Variants in CFAP299 observed in about 807,000 individuals in gnomAD.
CFAP299 encodes cilia- and flagella-associated protein 299.
In CFAP299, 21 loss-of-function variants were observed where a neutral mutation model predicts 27.0. The observed-to-expected ratio is 0.78, with a 90% CI of 0.55 to 1.12. CFAP299 has a LOEUF of 1.12. Ranked by LOEUF, CFAP299 falls within the 50% of genes most tolerant of loss-of-function variation. The pLI, the probability that CFAP299 is intolerant of heterozygous loss-of-function variation, is 0.00. For missense variants in CFAP299, 310 were observed against 276.6 expected (o/e 1.12, Z -0.86); for synonymous variants, 104 against 98.1 (o/e 1.06, Z -0.36).
At chr4:80,894,037 TA>T (rs890125935) in intron 4 of CFAP299, among the ~76,000 whole-genome samples, 4 of 149,814 alleles carry the variant, frequency 2.7e-5, no homozygotes, top group South Asian at 2.1e-4. Flanking sequence ...ATAACCCAAT[TA>T]AAAAAAAATG....
intron 3 of CFAP299, among the ~76,000 whole-genome samples, chr4:80,673,578 C>A (rs1036210538): frequency 2.6e-5 from 4 of 152,024 alleles, no homozygotes; most frequent in African/African-American, 9.7e-5. Flanking sequence ...AACCTTCTGT[C>A]TTGGTCTTGT....
chr4:80,543,516 G>C, intron 2 of CFAP299, among the ~76,000 whole-genome samples: 1 of 152,176 alleles, frequency 6.6e-6, no homozygotes, highest in Non-Finnish European at 1.5e-5. Flanking sequence ...CCAAACTGAA[G>C]TTAGGGAAAT....
intron 1 of CFAP299, among the ~76,000 whole-genome samples, chr4:80,356,345 A>G (rs1189302330): frequency 6.6e-6 from 1 of 152,148 alleles, no homozygotes; most frequent in Non-Finnish European, 1.5e-5. Flanking sequence ...TATGTATTTT[A>G]AAATAGTTTC....
chr4:80,430,473 G>C (rs543102576), intron 2 of CFAP299, among the ~76,000 whole-genome samples: 40 of 152,246 alleles, frequency 2.6e-4, no homozygotes, highest in Admixed American at 5.2e-4. Context: ...TCTTAATGTT[G>C]AGGTGCTCTG....
intron 2 of CFAP299, among the ~76,000 whole-genome samples, chr4:80,454,867 G>T (rs1046224936): frequency 1.3e-5 from 2 of 152,136 alleles, no homozygotes; most frequent in East Asian, 3.9e-4. Flanking sequence ...TGGTGGGTAG[G>T]GGGTTGGGAA....
At chr4:80,360,467 G>A (rs964946405) in intron 1 of CFAP299, among the ~76,000 whole-genome samples, 1 of 152,196 alleles carries the variant, frequency 6.6e-6, no homozygotes, top group South Asian at 2.1e-4. Flanking sequence ...CACGTCAGGA[G>A]CAAGGATTGA....
At chr4:80,822,216 G>T (rs934537471) in intron 3 of CFAP299, among the ~76,000 whole-genome samples, 7 of 152,112 alleles carry the variant, frequency 4.6e-5, no homozygotes, top group Non-Finnish European at 7.4e-5. Flanking sequence ...AAAATACTTT[G>T]TTGAAGGTCT....
intron 3 of CFAP299, among the ~76,000 whole-genome samples, chr4:80,608,882 TGTG>T (rs1737820273): frequency 6.6e-6 from 1 of 151,802 alleles, no homozygotes; most frequent in Admixed American, 6.6e-5. Flanking sequence ...TGTGTGTGTG[TGTG>T]TGTGTATGTG....
intron 3 of CFAP299, among the ~76,000 whole-genome samples, chr4:80,747,390 G>T (rs371094823): frequency 3.3e-5 from 5 of 152,098 alleles, no homozygotes; most frequent in Non-Finnish European, 7.4e-5. Context: ...GAGTATTTCA[G>T]CTTCATTATA....
At chr4:80,424,102 G>C (rs1262760198) in intron 2 of CFAP299, among the ~76,000 whole-genome samples, 1 of 152,172 alleles carries the variant, frequency 6.6e-6, no homozygotes, top group Non-Finnish European at 1.5e-5. Flanking sequence ...GTGTCCTCCT[G>C]ATCAGTCTTA....
Position 80,682,361 on chromosome 4 carries a change from T to C in CFAP299, c.333+99178T>C, listed in dbSNP as rs544492591. On this transcript the variant is annotated intron_variant, in intron 3 of 5. Transcript: ENST00000358105. ...TTTTTACTCTTTTGAACCTACCTTC[T>C]CCCCTATCTGTTTTCTTGTTTGGGG... Among the ~76,000 whole-genome samples, 5 of 152,128 alleles carry C rather than the reference T, an allele frequency of 3.3e-5. No homozygotes were observed. The South Asian group carries it at 1.0e-3, about 32-fold the overall frequency.
chr4:80,387,723 A>G, intron 2 of CFAP299: 1 of 1,583,196 alleles, frequency 6.3e-7, no homozygotes, highest in Non-Finnish European at 8.7e-7. Flanking sequence ...AGGGCTTCTC[A>G]CCTGTGTGGC....
At chr4:80,786,510 A>G (rs1462366544) in intron 3 of CFAP299, among the ~76,000 whole-genome samples, 2 of 152,104 alleles carry the variant, frequency 1.3e-5, no homozygotes, top group Non-Finnish European at 2.9e-5. Context: ...CTAATTATGG[A>G]CTATAGTCTT....
intron 4 of CFAP299, among the ~76,000 whole-genome samples, chr4:80,918,276 G>A (rs1359337098): frequency 6.6e-6 from 1 of 152,128 alleles, no homozygotes; most frequent in African/African-American, 2.4e-5. Context: ...CCTTGAATCT[G>A]ATTATGAGAT....
Position 80,646,358 on chromosome 4 carries a change from C to T in CFAP299, c.333+63175C>T, listed in dbSNP as rs144660305. 5.1e-3 allele frequency among the ~76,000 whole-genome samples: 771 copies of T among 152,244 alleles called. 5 individuals carry two copies. Among genetic ancestry groups the T allele is most frequent in the Middle Eastern group, 0.02 (6 of 294 alleles). On this transcript the variant is annotated intron_variant, in intron 3 of 5. Coordinates refer to ENST00000358105, the MANE Select transcript of CFAP299 (RefSeq NM_152770.3). ...GGCTTTACTCTCACTGAACAGTATC[C>T]ACCAGTGCTGGCCTCCTGTATCCAA...
At chr4:80,338,215 G>A (rs2109964637) in intron 1 of CFAP299, among the ~76,000 whole-genome samples, 1 of 152,198 alleles carries the variant, frequency 6.6e-6, no homozygotes, top group East Asian at 1.9e-4. Flanking sequence ...ACAACATGAT[G>A]TTTTAAATTA....
At chr4:80,732,530 A>G (rs184134074) in intron 3 of CFAP299, among the ~76,000 whole-genome samples, 444 of 152,278 alleles carry the variant, frequency 2.9e-3, no homozygotes, top group Non-Finnish European at 4.6e-3. Flanking sequence ...CTTTAATTCT[A>G]ATTTTTCCCA....
intron 5 of CFAP299, among the ~76,000 whole-genome samples, chr4:80,945,372 G>A (rs945500532): frequency 2.0e-5 from 3 of 152,130 alleles, no homozygotes; most frequent in Non-Finnish European, 4.4e-5. Context: ...ACTAAAAATG[G>A]TTTGGCTCTT....
intron 3 of CFAP299, among the ~76,000 whole-genome samples, chr4:80,660,421 G>T (rs1740785012): frequency 6.6e-6 from 1 of 152,158 alleles, no homozygotes; most frequent in East Asian, 1.9e-4. Flanking sequence ...AATAAAATGT[G>T]AAGTAGGTAT....
Sources: gnomAD v4.1 joint callset for allele counts (sites outside exome capture counted in the v4.1 genomes callset) on GRCh38, gnomAD v4.1.1 for gene constraint, MANE v1.5 for transcripts, NCBI Gene and HGNC (gene_info 2026-07-23, HGNC 2026-07-21) for gene names.